Variants in CD2AP observed in about 807,000 individuals in gnomAD.
CD2AP encodes the protein CD2-associated protein.
Under a neutral mutation model 85.1 loss-of-function variants are expected in CD2AP, and 46 were observed. The ratio of observed to expected loss-of-function variants is 0.54; its 90% CI spans 0.43 to 0.69. The LOEUF (loss-of-function observed/expected upper bound fraction) is 0.69. Among genes scored for constraint, CD2AP ranks in the 30% least tolerant of loss-of-function variants. The pLI is 0.00. For missense variants in CD2AP, 769 were observed against 729.5 expected (o/e 1.05, Z -0.62); for synonymous variants, 255 against 252.9 (o/e 1.01, Z -0.08).
chr6:47,543,168 A>G (rs796347283), intron 3 of CD2AP, among the ~76,000 whole-genome samples: 4 of 136,800 alleles, frequency 2.9e-5, no homozygotes, highest in Admixed American at 7.2e-5. Context: ...AAAAAAAAAA[A>G]AAAAGAAAAA....
At chr6:47,620,027 CTG>C (rs1769703911) in intron 17 of CD2AP, among the ~76,000 whole-genome samples, 1 of 152,186 alleles carries the variant, frequency 6.6e-6, no homozygotes, top group Admixed American at 6.5e-5. Flanking sequence ...TCTGTTTACT[CTG>C]TTGACTGTTC....
chr6:47,531,786 T>A (rs905014857), intron 2 of CD2AP, among the ~76,000 whole-genome samples: 6 of 152,058 alleles, frequency 3.9e-5, no homozygotes, highest in Non-Finnish European at 7.4e-5. Context: ...ATAAGAATCC[T>A]TTTCGGCCGG....
At chr6:47,478,300 G>T in intron 1 of CD2AP, 52 bp downstream of exon 1, 2 of 1,560,200 alleles carry the variant, frequency 1.3e-6, no homozygotes, top group African/African-American at 1.4e-5. Flanking sequence ...CAGACCCGGG[G>T]AGGCTGTGCC....
At chr6:47,579,886 A>G (rs1768424225) in intron 9 of CD2AP, 1 of 173,390 alleles carries the variant, frequency 5.8e-6, no homozygotes, top group South Asian at 1.4e-4. Flanking sequence ...GGAGGGCAAG[A>G]GCACTCTGCC....
chr6:47,534,413 A>G (rs1766970782), intron 3 of CD2AP, among the ~76,000 whole-genome samples: 1 of 152,228 alleles, frequency 6.6e-6, no homozygotes, highest in South Asian at 2.1e-4. Context: ...TGGAAAAGAA[A>G]TTGTTATTTA....
intron 2 of CD2AP, among the ~76,000 whole-genome samples, chr6:47,503,691 G>T (rs1766057592): frequency 1.3e-5 from 2 of 152,224 alleles, no homozygotes; most frequent in South Asian, 4.1e-4. Context: ...CCTGATTACT[G>T]ATTGTTTTAA....
chr6:47,616,262 T>A (rs1393520621), intron 17 of CD2AP, among the ~76,000 whole-genome samples: 1 of 151,694 alleles, frequency 6.6e-6, no homozygotes. Context: ...CAGCTAATTT[T>A]TTTGTATTTT....
chr6:47,533,222 C>T (rs1285749375), intron 2 of CD2AP, among the ~76,000 whole-genome samples: 4 of 152,140 alleles, frequency 2.6e-5, no homozygotes, highest in Non-Finnish European at 5.9e-5. Flanking sequence ...ATGGTTGCAA[C>T]AGAAAGTGTA....
At chr6:47,521,690 C>A (rs1275921906) in intron 2 of CD2AP, among the ~76,000 whole-genome samples, 1 of 152,048 alleles carries the variant, frequency 6.6e-6, no homozygotes, top group Non-Finnish European at 1.5e-5. Context: ...GTAGTTGATA[C>A]CCTTTAAGTT....
intron 4 of CD2AP, among the ~76,000 whole-genome samples, chr6:47,547,655 C>G (rs917642328): frequency 1.2e-4 from 19 of 152,130 alleles, no homozygotes; most frequent in African/African-American, 4.6e-4. Context: ...TGAATTTAAA[C>G]TATACCCTGG....
At chr6:47,506,763 C>G in intron 2 of CD2AP, among the ~76,000 whole-genome samples, 1 of 141,016 alleles carries the variant, frequency 7.1e-6, no homozygotes, top group African/African-American at 2.6e-5. Context: ...TTCGGCTCCG[C>G]ATGAGAGGGA....
intron 1 of CD2AP, among the ~76,000 whole-genome samples, chr6:47,491,271 A>ATG (rs57447174): frequency 5.3e-3 from 654 of 122,566 alleles, no homozygotes; most frequent in South Asian, 0.011. Flanking sequence ...GTGTGTGTGT[A>ATG]TGTGTGTGTG....
At position 47,606,276 on chromosome 6, in the gene CD2AP, C is replaced by G; in HGVS notation, c.1529C>G (p.Ser510Cys). The change falls in exon 14 of 18, where the codon TCT becomes TGT. Residue 510 changes from serine (S) to cysteine (C), a missense_variant and splice_region_variant. Coordinates refer to ENST00000359314, the MANE Select transcript of CD2AP (RefSeq NM_012120.3). Reference sequence around the variant, plus strand: ...CCGGGCCGTTTCAATGGTGGACATTCTGTGAGTTCATCTAATTGTCGTAAA... The same window carrying G: ...CCGGGCCGTTTCAATGGTGGACATTGTGTGAGTTCATCTAATTGTCGTAAA... ...RLPGRFNGGH[S>C]PTHSPEKILK... 6.5e-7 allele frequency: 1 copy of G among 1,535,138 alleles called. No homozygotes were observed.
chr6:47,558,256 ATCATGTCATCTGCAAACAGAGATAATT>A (rs1245971868), intron 5 of CD2AP, among the ~76,000 whole-genome samples: 3 of 152,218 alleles, frequency 2.0e-5, no homozygotes, highest in Non-Finnish European at 4.4e-5. Flanking sequence ...TAAATATACA[ATCATGTCATCTGCAAACAGAGATAATT>A]TTACTTCCTC....
intron 3 of CD2AP, among the ~76,000 whole-genome samples, chr6:47,538,648 G>T (rs529372280): frequency 2.6e-5 from 4 of 152,070 alleles, no homozygotes; most frequent in Non-Finnish European, 4.4e-5. Context: ...CCAAAAATTG[G>T]GTCAAAAATC....
chr6:47,603,996 G>A, intron 13 of CD2AP, among the ~76,000 whole-genome samples: 1 of 152,018 alleles, frequency 6.6e-6, no homozygotes, highest in Admixed American at 6.6e-5. Flanking sequence ...ATTCATTTTG[G>A]AAAAGTTTCC....
At position 47,507,523 on chromosome 6, in the gene CD2AP, A is replaced by G. The variant is rs538685410; in HGVS notation, c.165+4083A>G. Reference sequence around the variant, plus strand: ...TGGCTCACTGCAACCTCTGCCTCCCAGGTTCAAGCGATTCTCCTCGCCTCC... The same window carrying G: ...TGGCTCACTGCAACCTCTGCCTCCCGGGTTCAAGCGATTCTCCTCGCCTCC... On this transcript the variant is annotated intron_variant, in intron 2 of 17. Transcript: ENST00000359314. Among the ~76,000 whole-genome samples, 4 of 152,250 alleles carry G rather than the reference A, an allele frequency of 2.6e-5. No individual in the cohort carries two copies. The East Asian group carries it at 7.7e-4, about 29-fold the overall frequency.
chr6:47,611,410 C>A (rs111534716), intron 16 of CD2AP, among the ~76,000 whole-genome samples: 1 of 151,524 alleles, frequency 6.6e-6, no homozygotes, highest in East Asian at 1.9e-4. Context: ...GAAAGAGGGT[C>A]GCTTTTTGGG....
chr6:47,612,864 A>G (rs541548682), intron 17 of CD2AP, among the ~76,000 whole-genome samples: 2 of 152,290 alleles, frequency 1.3e-5, no homozygotes, highest in East Asian at 3.9e-4. Context: ...TGGGACGGAT[A>G]TTAGTGGAAT....
Sources: allele counts gnomAD v4.1 joint callset (sites outside exome capture counted in the v4.1 genomes callset), GRCh38; gene constraint gnomAD v4.1.1; transcripts MANE v1.5; gene names NCBI Gene and HGNC (gene_info 2026-07-23, HGNC 2026-07-21).